The following CORO2B variants were observed in gnomAD, a reference collection of about 807,000 sequenced individuals.
CORO2B encodes the protein coronin 2B.
Under a neutral mutation model 58.8 loss-of-function variants are expected in CORO2B, and 26 were observed. The observed-to-expected ratio is 0.44, with a 90% CI of 0.32 to 0.61. The LOEUF is 0.61. Ranked by LOEUF, CORO2B falls within the 20% of genes least tolerant of loss-of-function variation. The probability of loss-of-function intolerance (pLI) is 0.04; values close to 1 mark genes in which losing one functional copy is unlikely to be tolerated. For missense variants in CORO2B, 460 were observed against 645.1 expected (o/e 0.71, Z 3.11); for synonymous variants, 242 against 253.8 (o/e 0.95, Z 0.44).
rs1899344013 is a variant in CORO2B, at chr15:68,579,059, T to C, written c.-204T>C. ...TATAAATGCACATTCGGGGCTGACA[T>C]CAGCGACGAGCGGCGGGCGAGCGCC... On this transcript the variant is annotated 5_prime_UTR_variant, in exon 1 of 12. Transcript: ENST00000261861. 4.1e-6 allele frequency: 4 copies of C among 983,110 alleles called. 1 individual carries two copies. The South Asian group carries it at 1.4e-4, about 35-fold the overall frequency. 60.9% of individuals were successfully genotyped at this position (983,110 alleles called of 1,614,324 possible).
At chr15:68,644,062 C>CA (rs1235258471) in intron 1 of CORO2B, among the ~76,000 whole-genome samples, 5 of 151,678 alleles carry the variant, frequency 3.3e-5, no homozygotes, top group Admixed American at 6.6e-5. Context: ...AAACCAACAA[C>CA]AAAAAAAACC....
At chr15:68,538,187 C>T in the CORO2B span, among the ~76,000 whole-genome samples, 2 of 152,186 alleles carry the variant, frequency 1.3e-5, no homozygotes, top group African/African-American at 4.8e-5. Context: ...TAATTGATCC[C>T]AATAATTTTT....
intron 1 of CORO2B, among the ~76,000 whole-genome samples, chr15:68,586,330 T>C (rs916923550): frequency 6.6e-6 from 1 of 152,124 alleles, no homozygotes; most frequent in Admixed American, 6.5e-5. Flanking sequence ...TACAGGGAAC[T>C]CTGGGAATAG....
Position 68,630,516 on chromosome 15 carries a change from T to TG in CORO2B, c.16-14639dup, listed in dbSNP as rs1245971383. Among the ~76,000 whole-genome samples, 3 of 152,038 alleles carry TG rather than the reference T, an allele frequency of 2.0e-5. No individual in the cohort carries two copies. The East Asian group carries it at 5.8e-4, about 29-fold the overall frequency. On this transcript the variant is annotated intron_variant, in intron 1 of 11. Coordinates refer to ENST00000261861, the MANE Select transcript of CORO2B (RefSeq NM_006091.5). ...CTTAAAATAGCAAAGTTCTTTGCTGTGGGGGCAGAAAGACCTCATGGGGAC... is the reference window on the plus strand; with the variant it reads ...CTTAAAATAGCAAAGTTCTTTGCTGTGGGGGGCAGAAAGACCTCATGGGGAC...
the CORO2B span, among the ~76,000 whole-genome samples, chr15:68,553,471 A>T: frequency 2.6e-5 from 4 of 152,316 alleles, no homozygotes; most frequent in Admixed American, 2.0e-4. Context: ...AAGCCAAAAA[A>T]GGCAAGGATG....
chr15:68,717,163 A>C (rs1236609993), intron 8 of CORO2B, among the ~76,000 whole-genome samples: 3 of 151,876 alleles, frequency 2.0e-5, no homozygotes, highest in Non-Finnish European at 4.4e-5. Context: ...AAAATACAAA[A>C]AGTACCTGGG....
intron 1 of CORO2B, among the ~76,000 whole-genome samples, chr15:68,628,575 A>G (rs570454319): frequency 5.3e-5 from 8 of 152,344 alleles, no homozygotes; most frequent in African/African-American, 1.7e-4. Flanking sequence ...TACAATAGCT[A>G]CATGTATTAA....
At chr15:68,563,445 C>T in the CORO2B span, among the ~76,000 whole-genome samples, 1 of 150,104 alleles carries the variant, frequency 6.7e-6, no homozygotes, top group Non-Finnish European at 1.5e-5. Flanking sequence ...CTTGATCGTG[C>T]CACTGCACTC....
chr15:68,667,984 A>C (rs992895872), intron 2 of CORO2B, among the ~76,000 whole-genome samples: 3 of 152,190 alleles, frequency 2.0e-5, no homozygotes, highest in Non-Finnish European at 4.4e-5. Context: ...GGTTGTCATG[A>C]TGACAGTAAT....
the CORO2B span, among the ~76,000 whole-genome samples, chr15:68,531,660 ACT>A: frequency 6.1e-5 from 9 of 148,360 alleles, no homozygotes; most frequent in Admixed American, 2.0e-4. Context: ...AAAGAGGGAA[ACT>A]CTATCTCAAA....
chr15:68,677,098 C>T lies in CORO2B; in HGVS notation c.217-18042C>T, dbSNP rs549582172. Among the ~76,000 whole-genome samples the T allele has an allele frequency of 9.9e-5, 15 of 152,264 alleles. 1 individual carries two copies. In the South Asian group the frequency reaches 3.1e-3, roughly 32 times the overall value. On this transcript the variant is annotated intron_variant, in intron 2 of 11. Transcript: ENST00000261861. Reference sequence around the variant, plus strand: ...CCAAGACCTGTTTTTGCAGCACTTTCGGGACTGTGCTCCCCGCCAGGCCTG... The same window carrying T: ...CCAAGACCTGTTTTTGCAGCACTTTTGGGACTGTGCTCCCCGCCAGGCCTG...
intron 7 of CORO2B, among the ~76,000 whole-genome samples, 195 bp downstream of exon 7, chr15:68,714,858 C>A (rs1305028946): frequency 6.6e-6 from 1 of 152,200 alleles, no homozygotes; most frequent in Non-Finnish European, 1.5e-5. Flanking sequence ...AGAATTCCTT[C>A]AAAGGTGAGC....
chr15:68,623,780 G>C (rs951309447), intron 1 of CORO2B, among the ~76,000 whole-genome samples: 1 of 152,192 alleles, frequency 6.6e-6, no homozygotes, highest in African/African-American at 2.4e-5. Flanking sequence ...GGTAATCCCC[G>C]TTTGTGCCAC....
intron 1 of CORO2B, among the ~76,000 whole-genome samples, chr15:68,597,615 T>A (rs917870950): frequency 6.9e-6 from 1 of 145,116 alleles, no homozygotes; most frequent in African/African-American, 2.7e-5. Flanking sequence ...CTAATTTCTG[T>A]TTCCCCCCCA....
At chr15:68,720,958 C>T (rs1173640752) in intron 11 of CORO2B, among the ~76,000 whole-genome samples, 10 of 152,206 alleles carry the variant, frequency 6.6e-5, no homozygotes, top group Non-Finnish European at 1.2e-4. Flanking sequence ...ACAATCTCAG[C>T]TCACTGCAAC....
the CORO2B span, among the ~76,000 whole-genome samples, chr15:68,567,755 C>T: frequency 6.6e-6 from 1 of 152,232 alleles, no homozygotes; most frequent in South Asian, 2.1e-4. Flanking sequence ...GGCACGGTGG[C>T]TCATGCCTGT....
At chr15:68,592,451 G>A (rs561539397) in intron 1 of CORO2B, among the ~76,000 whole-genome samples, 3 of 152,274 alleles carry the variant, frequency 2.0e-5, no homozygotes, top group African/African-American at 7.2e-5. Flanking sequence ...TATTAACTGA[G>A]ATAGGGTATG....
intron 1 of CORO2B, among the ~76,000 whole-genome samples, chr15:68,587,360 C>A (rs1340141312): frequency 2.0e-5 from 3 of 152,114 alleles, no homozygotes; most frequent in African/African-American, 7.2e-5. Flanking sequence ...TCTGGCTGCC[C>A]AGAGCGGTGG....
chr15:68,561,613 A>G, the CORO2B span, among the ~76,000 whole-genome samples: 2 of 152,126 alleles, frequency 1.3e-5, no homozygotes, highest in South Asian at 4.1e-4. Context: ...GCAGATACAA[A>G]CAGTAGGAAA....
Sources: allele counts gnomAD v4.1 joint callset (sites outside exome capture counted in the v4.1 genomes callset), GRCh38; gene constraint gnomAD v4.1.1; transcripts MANE v1.5; gene names NCBI Gene and HGNC (gene_info 2026-07-23, HGNC 2026-07-21).